PCDHA2: variants seen among roughly 807,000 people sequenced by gnomAD.
PCDHA2 encodes the protein protocadherin alpha 2, also known as protocadherin alpha-2.
PCDHA2 carries 58 observed loss-of-function variants against 66.0 expected under a neutral mutation model. The ratio of observed to expected loss-of-function variants is 0.88; its 90% CI spans 0.71 to 1.09. The LOEUF (loss-of-function observed/expected upper bound fraction) is 1.09. Among genes scored for constraint, PCDHA2 ranks in the 50% least tolerant of loss-of-function variants. PCDHA2 has a pLI of 0.00. For synonymous variants in PCDHA2, 634 were observed against 554.0 expected (o/e 1.14, Z -2.03); for missense variants, 1,267 against 1,242.3 (o/e 1.02, Z -0.30).
intron 3 of PCDHA2, among the ~76,000 whole-genome samples, chr5:140,983,005 A>G (rs1468544114): frequency 2.0e-5 from 3 of 152,110 alleles, no homozygotes; most frequent in African/African-American, 4.8e-5. Flanking sequence ...AAAGAAAGAA[A>G]AAGGAAGGAA....
intron 1 of PCDHA2, among the ~76,000 whole-genome samples, chr5:140,954,881 C>T (rs2095105725): frequency 6.6e-6 from 1 of 152,092 alleles, no homozygotes; most frequent in Non-Finnish European, 1.5e-5. Flanking sequence ...CCTAGCTTTT[C>T]TTCTAGGGTT....
chr5:140,829,866 C>T (rs180987045), intron 1 of PCDHA2: 8 of 1,613,772 alleles, frequency 5.0e-6, no homozygotes, highest in African/African-American at 2.7e-5. Flanking sequence ...CAAGTGGTGG[C>T]GAAGGTGCGC....
chr5:140,904,857 T>G (rs1223482596), intron 1 of PCDHA2, among the ~76,000 whole-genome samples: 1 of 152,190 alleles, frequency 6.6e-6, no homozygotes, highest in Non-Finnish European at 1.5e-5. Context: ...CTGAGAATTG[T>G]CTGTTTATGT....
chr5:140,933,780 T>G (rs1404194841), intron 1 of PCDHA2, among the ~76,000 whole-genome samples: 2 of 152,124 alleles, frequency 1.3e-5, no homozygotes, highest in Non-Finnish European at 2.9e-5. Flanking sequence ...TACAGTTTTC[T>G]TTGTAGGAAA....
chr5:140,894,670 C>T (rs971891585), intron 1 of PCDHA2, among the ~76,000 whole-genome samples: 2 of 151,580 alleles, frequency 1.3e-5, no homozygotes, highest in African/African-American at 4.8e-5. Flanking sequence ...TTTGTGTATT[C>T]TTGCATAGCT....
rs2150305590 is a variant in PCDHA2, at chr5:140,840,302, C to A, written c.2388+42950C>A. Among the ~76,000 whole-genome samples, 18 of 151,968 alleles carry A rather than the reference C, an allele frequency of 1.2e-4. No individual in the cohort carries two copies. The East Asian group carries it at 3.3e-3, about 28-fold the overall frequency. ...TTTGGGTGATTATTGATTAGATATTCTTTTAACTTTGGTCGACTCATTTTC... is the reference window on the plus strand; with the variant it reads ...TTTGGGTGATTATTGATTAGATATTATTTTAACTTTGGTCGACTCATTTTC... On this transcript the variant is annotated intron_variant, in intron 1 of 3. Transcript: ENST00000526136.
chr5:140,843,511 C>G (rs1554140155), intron 1 of PCDHA2: 1 of 1,595,670 alleles, frequency 6.3e-7, no homozygotes, highest in Non-Finnish European at 8.6e-7. Context: ...CCACTGAGGG[C>G]GGGTGCCGGG....
At chr5:140,842,621 T>C in intron 1 of PCDHA2, 1 of 1,576,496 alleles carries the variant, frequency 6.3e-7, no homozygotes, top group East Asian at 2.2e-5. Flanking sequence ...GGGCTCGCCT[T>C]CGCTGTGGGC....
chr5:140,858,272 G>C, intron 1 of PCDHA2: 1 of 1,597,346 alleles, frequency 6.3e-7, no homozygotes, highest in Non-Finnish European at 8.6e-7. Flanking sequence ...GTGCTCTAGC[G>C]CGGTGGGGAG....
At chr5:140,934,899 T>G (rs1320708660) in intron 1 of PCDHA2, among the ~76,000 whole-genome samples, 2 of 152,184 alleles carry the variant, frequency 1.3e-5, no homozygotes, top group Non-Finnish European at 2.9e-5. Flanking sequence ...AACCTTTTAT[T>G]TTGGAATAAT....
At chr5:140,896,470 C>T (rs1583233416) in intron 1 of PCDHA2, among the ~76,000 whole-genome samples, 2 of 151,962 alleles carry the variant, frequency 1.3e-5, no homozygotes, top group South Asian at 4.2e-4. Context: ...TCAAGCGGTT[C>T]TCCTGCCTCA....
intron 1 of PCDHA2, among the ~76,000 whole-genome samples, chr5:140,897,659 G>A: frequency 6.6e-6 from 1 of 152,230 alleles, no homozygotes; most frequent in South Asian, 2.1e-4. Flanking sequence ...ACGTGTGCAT[G>A]TGTCTTTATA....
chr5:140,866,915 A>T (rs1413291718), intron 1 of PCDHA2: 1 of 152,138 alleles, frequency 6.6e-6, no homozygotes, highest in African/African-American at 2.4e-5. Flanking sequence ...CTCAAAGATG[A>T]GTTCAAAGGG....
chr5:140,993,462 T>TCTCACACACACA (rs1235362335), intron 3 of PCDHA2, among the ~76,000 whole-genome samples: 1 of 140,938 alleles, frequency 7.1e-6, no homozygotes, highest in African/African-American at 2.6e-5. Context: ...TCTTTCTTTC[T>TCTCACACACACA]CACACACACA....
At chr5:140,858,252 C>T in intron 1 of PCDHA2, 1 of 1,596,744 alleles carries the variant, frequency 6.3e-7, no homozygotes. Context: ...CCGGTGAAGC[C>T]CACGCTGGTG....
chr5:140,822,336 A>G, intron 1 of PCDHA2: 1 of 1,614,204 alleles, frequency 6.2e-7, no homozygotes, highest in Non-Finnish European at 8.5e-7. Context: ...ATGAAGAAGA[A>G]ACGAACTTTT....
intron 1 of PCDHA2, among the ~76,000 whole-genome samples, chr5:140,939,994 G>A (rs2092519687): frequency 6.6e-6 from 1 of 151,998 alleles, no homozygotes; most frequent in African/African-American, 2.4e-5. Flanking sequence ...TTTCTCCTTG[G>A]ATTTTGTCAA....
rs7701755 is a variant in PCDHA2 at position 140,802,516 on chromosome 5, G to T, written c.2388+5164G>T. 0.54 allele frequency: 868,677 copies of T among 1,613,918 alleles called. 235,507 individuals are homozygous for T. The highest frequency in any genetic ancestry group is 0.7 in the African/African-American group (52,592 of 74,998). On this transcript the variant is annotated intron_variant, in intron 1 of 3. Coordinates refer to ENST00000526136, the MANE Select transcript of PCDHA2 (RefSeq NM_018905.3). ...TCGCCTTCACTGTGGGCCACGGCCAGCGTGTCCGTGGAGGTGGCCGACGTG... is the reference window on the plus strand; with the variant it reads ...TCGCCTTCACTGTGGGCCACGGCCATCGTGTCCGTGGAGGTGGCCGACGTG...
At chr5:140,940,055 C>G (rs1179353318) in intron 1 of PCDHA2, among the ~76,000 whole-genome samples, 1 of 152,064 alleles carries the variant, frequency 6.6e-6, no homozygotes, top group Non-Finnish European at 1.5e-5. Context: ...GATTCTTAAC[C>G]AAATATAAAT....
Sources: allele counts gnomAD v4.1 joint callset (sites outside exome capture counted in the v4.1 genomes callset), GRCh38; gene constraint gnomAD v4.1.1; transcripts MANE v1.5; gene names NCBI Gene and HGNC (gene_info 2026-07-23, HGNC 2026-07-21).